The following C3 variants were observed in gnomAD, a reference collection of about 807,000 sequenced individuals.
The protein encoded by C3 is C3 and PZP-like alpha-2-macroglobulin domain-containing protein 1.
C3 carries 97 observed loss-of-function variants against 207.9 expected under a neutral mutation model. The observed-to-expected ratio is 0.47, with a 90% confidence interval of 0.40 to 0.55. The LOEUF (loss-of-function observed/expected upper bound fraction) is 0.55. C3 is among the 20% of genes least tolerant of loss of function. The pLI is 0.00. For missense variants in C3, 1,684 were observed against 2,171.7 expected (o/e 0.78, Z 4.46); for synonymous variants, 848 against 857.6 (o/e 0.99, Z 0.20).
At position 6,709,693 on chromosome 19, in the gene C3, C is replaced by T. The variant is rs2230205; in HGVS notation, c.1836G>A (p.Thr612=). The T allele has an allele frequency of 0.14, 233,564 of 1,612,072 alleles. 19,538 individuals are homozygous for T. The highest frequency in any genetic ancestry group is 0.42 in the East Asian group (18,770 of 44,744). The change falls in exon 14 of 41, where the codon ACG becomes ACA. Residue 612 remains threonine (T), a synonymous_variant. Coordinates refer to ENST00000245907, the MANE Select transcript of C3 (RefSeq NM_000064.4). ...VFVLNKKNKL[T]QSKIWDVVEK... ...GGTCACTGGCCCTTACCTTACTCTGCGTCAGTTTGTTCTTCTTATTCAGCA... is the reference window on the plus strand; with the variant it reads ...GGTCACTGGCCCTTACCTTACTCTGTGTCAGTTTGTTCTTCTTATTCAGCA...
intron 14 of C3, 60 bp downstream of exon 14, chr19:6,709,624 C>CCCCCCCCCCA: frequency 1.5e-6 from 2 of 1,347,086 alleles, no homozygotes; most frequent in Non-Finnish European, 2.1e-6. Context: ...CACCCACCTC[C>CCCCCCCCCCA]CCCAGCCCCA....
intron 4 of C3, chr19:6,717,829 TTG>T (rs1968072249): frequency 1.0e-5 from 6 of 590,724 alleles, no homozygotes; most frequent in Admixed American, 8.0e-5. Context: ...TGTTGTGTGT[TTG>T]TGTGTGTTGC....
In C3 at chr19:6,712,621, T is replaced by C; in HGVS notation, c.1006A>G (p.Ser336Gly). The C allele has an allele frequency of 6.2e-7, 1 of 1,613,318 alleles. No individual in the cohort carries two copies. Among genetic ancestry groups the C allele is most frequent in the Non-Finnish European group, 8.5e-7 (1 of 1,179,332 alleles). ...VSATVILHSG[S>G]DMVQAERSGI... ...CTGCGCTCTGCCTGCACCATGTCACTGCCTGAGGGGACCAGCTGTGAGTGT... is the reference window on the plus strand; with the variant it reads ...CTGCGCTCTGCCTGCACCATGTCACCGCCTGAGGGGACCAGCTGTGAGTGT... The change falls in exon 10 of 41, where the codon AGT becomes GGT. Residue 336 changes from serine (S) to glycine (G), a missense_variant and splice_region_variant. By Grantham distance (56) the Ser-to-Gly change is moderately conservative. Transcript: ENST00000245907.
At chr19:6,684,877 C>G (rs746082352) in intron 30 of C3, 43 bp from the exon 31 acceptor site, 13 of 1,610,250 alleles carry the variant, frequency 8.1e-6, no homozygotes, top group African/African-American at 4.0e-5. Context: ...GGGAATTAAG[C>G]CTTCTGCTGC....
chr19:6,708,222 C>A (rs553703427), intron 14 of C3, among the ~76,000 whole-genome samples: 7 of 151,694 alleles, frequency 4.6e-5, no homozygotes, highest in Admixed American at 1.3e-4. Flanking sequence ...CTGTAACCTC[C>A]AACTCCCAGG....
chr19:6,712,150 G>A, intron 11 of C3, 107 bp downstream of exon 11: 1 of 1,407,808 alleles, frequency 7.1e-7, no homozygotes, highest in South Asian at 1.2e-5. Flanking sequence ...ACCTCTCTAT[G>A]CAGATGAGAA....
At chr19:6,716,310 CT>C (rs1434109367) in intron 4 of C3, 1 of 152,302 alleles carries the variant, frequency 6.6e-6, no homozygotes, top group Non-Finnish European at 1.5e-5. Context: ...CCTGGAATTC[CT>C]GGGCTCAAGT....
At chr19:6,689,108 A>G (rs1439280039) in intron 27 of C3, among the ~76,000 whole-genome samples, 1 of 152,230 alleles carries the variant, frequency 6.6e-6, no homozygotes, top group Non-Finnish European at 1.5e-5. Context: ...GTGCCTGCAC[A>G]TAAATTCCCC....
At position 6,719,152 on chromosome 19, in the gene C3, A is replaced by AG. The variant is rs567732463; in HGVS notation, c.267+58dup. On this transcript the variant is annotated intron_variant, in intron 2 of 40. Transcript: ENST00000245907. The surrounding 1 kb of genome is among the most constrained non-coding windows in gnomAD (Gnocchi z 5.4). ...GACAGAAGGGGAGGGGCTCAGGAGG[A>AG]GGGGGGGAGTGGGCGTGGCTGTGGG... 2.4e-5 allele frequency: 31 copies of AG among 1,313,076 alleles called. No homozygotes were observed. The highest frequency in any genetic ancestry group is 9.7e-5 in the East Asian group (4 of 41,322). The allele number at this position is 1,313,076 out of a possible 1,614,324, so 81.3% of individuals were successfully genotyped here. A position where few individuals can be genotyped will look rare whatever the true frequency, so the allele number is the denominator to read the frequency against.
intron 40 of C3, 52 bp from the exon 41 acceptor site, chr19:6,678,075 GGGGCGTGACAATGGTGT>G (rs1409898382): frequency 1.2e-6 from 2 of 1,614,084 alleles, no homozygotes; most frequent in East Asian, 4.5e-5. Context: ...GCGTGGCGCA[GGGGCGTGACAATGGTGT>G]GGGCGTGGCA....
intron 14 of C3, 106 bp from the exon 15 acceptor site, chr19:6,708,035 C>T: frequency 7.7e-7 from 1 of 1,299,384 alleles, no homozygotes; most frequent in Non-Finnish European, 1.1e-6. Context: ...CACCCTGTCC[C>T]ACTCTCATCT....
chr19:6,700,765 G>A (rs1223291285), intron 19 of C3, among the ~76,000 whole-genome samples: 1 of 138,960 alleles, frequency 7.2e-6, no homozygotes, highest in African/African-American at 2.6e-5. Flanking sequence ...TGTAATATGT[G>A]ATATGTAGAT....
At chr19:6,714,546 G>A (rs1967991808) in intron 4 of C3, 100 bp from the exon 5 acceptor site, 14 of 843,284 alleles carry the variant, frequency 1.7e-5, no homozygotes, top group Middle Eastern at 2.4e-4. Flanking sequence ...CATTCTCTGT[G>A]CACAGTGTCT....
Position 6,718,191 on chromosome 19 carries a change from A to G in C3, c.434-27T>C, listed in dbSNP as rs11569410. 2,030 of 1,614,070 alleles carry G rather than the reference A, an allele frequency of 1.3e-3. 22 individuals carry two copies. In the African/African-American group the frequency reaches 0.023, roughly 18 times the overall value. ...TGGGGAGAGACAAAGAGGCCTCGTG[A>G]GACCCTAGCCCGCCCACGCCGGTGC... On this transcript the variant is annotated intron_variant, in intron 3 of 40. Coordinates refer to ENST00000245907, the MANE Select transcript of C3 (RefSeq NM_000064.4).
chr19:6,709,062 C>T (rs928775701), intron 14 of C3, among the ~76,000 whole-genome samples: 2 of 152,162 alleles, frequency 1.3e-5, no homozygotes, highest in Non-Finnish European at 2.9e-5. Context: ...CCCAAGCCAA[C>T]CCCATCTCCA....
At chr19:6,687,276 G>C (rs766299240) in intron 27 of C3, among the ~76,000 whole-genome samples, 2 of 152,174 alleles carry the variant, frequency 1.3e-5, no homozygotes, top group Non-Finnish European at 2.9e-5. Context: ...GTCCTGGGGA[G>C]ACATTCTCCA....
At chr19:6,684,148 T>C in intron 33 of C3, 1 of 599,346 alleles carries the variant, frequency 1.7e-6, no homozygotes, top group Non-Finnish European at 3.0e-6. Flanking sequence ...GATTGTGTAC[T>C]TTCCTCCATT....
intron 26 of C3, among the ~76,000 whole-genome samples, chr19:6,691,299 T>A (rs1365350642): frequency 2.0e-5 from 3 of 152,102 alleles, no homozygotes; most frequent in Non-Finnish European, 4.4e-5. Flanking sequence ...GTGATCCACC[T>A]GCCTCGGCCT....
chr19:6,718,949 C>T (rs1345740656), intron 2 of C3, among the ~76,000 whole-genome samples: 3 of 73,420 alleles, frequency 4.1e-5, no homozygotes, highest in African/African-American at 2.1e-4. Flanking sequence ...CAGGGAAGGT[C>T]AGGGCTTAGA....
Sources: allele counts gnomAD v4.1 joint callset (sites outside exome capture counted in the v4.1 genomes callset), GRCh38; gene constraint gnomAD v4.1.1; non-coding constraint Gnocchi (gnomAD v3.1); transcripts MANE v1.5; gene names NCBI Gene and HGNC (gene_info 2026-07-23, HGNC 2026-07-21).